SLC4A4: variants seen among roughly 807,000 people sequenced by gnomAD.
SLC4A4 encodes solute carrier family 4 member 4, also known as electrogenic sodium bicarbonate cotransporter 1.
A neutral mutation model predicts 111.5 loss-of-function variants in SLC4A4; 27 were observed. That is an observed-to-expected ratio of 0.24 (90% CI 0.18 to 0.33). SLC4A4 has a LOEUF of 0.33. SLC4A4 is among the 10% of genes least tolerant of loss of function. The probability of loss-of-function intolerance (pLI) is 1.00; values close to 1 mark genes in which losing one functional copy is unlikely to be tolerated. For missense variants in SLC4A4, 909 were observed against 1,315.5 expected (o/e 0.69, Z 4.78); for synonymous variants, 443 against 463.4 (o/e 0.96, Z 0.57).
chr4:71,212,735 A>G (rs1016906107), intron 1 of SLC4A4, among the ~76,000 whole-genome samples: 1 of 152,202 alleles, frequency 6.6e-6, no homozygotes, highest in African/African-American at 2.4e-5. Context: ...TGGGTAGGCC[A>G]GGTCACATTA....
rs376043069 is a variant in SLC4A4 at position 71,156,588 on chromosome 4, G to GCGCGCACACA, written c.-2+63797_-2+63798insGCGCACACAC. Among the ~76,000 whole-genome samples the GCGCGCACACA allele has an allele frequency of 3.5e-3, 487 of 138,510 alleles. 4 individuals are homozygous for GCGCGCACACA. The highest frequency in any genetic ancestry group is 0.028 in the South Asian group (105 of 3,698). The allele number at this position is 138,510 out of a possible 152,430, so 90.9% of individuals were successfully genotyped here. A position where few individuals can be genotyped will look rare whatever the true frequency, so the allele number is the denominator to read the frequency against. On this transcript the variant is annotated intron_variant, in intron 2 of 26. Transcript: ENST00000649996. The stretch of plus-strand genomic sequence containing the variant: ...TGTGCGCGCATGCGCGCGCGCGCGC[G>GCGCGCACACA]CACACACACACACACACACACACAC...
chr4:71,221,645 A>G (rs1391676598), intron 1 of SLC4A4, among the ~76,000 whole-genome samples: 2 of 152,200 alleles, frequency 1.3e-5, no homozygotes, highest in Non-Finnish European at 2.9e-5. Context: ...ACGTGTTGCC[A>G]TCCCTGGGGC....
At chr4:71,144,219 C>A (rs556572010) in intron 2 of SLC4A4, among the ~76,000 whole-genome samples, 27 of 152,294 alleles carry the variant, frequency 1.8e-4, no homozygotes, top group African/African-American at 6.0e-4. Flanking sequence ...TTCCCCATTT[C>A]TTGTTTTTGT....
At chr4:71,421,827 A>C (rs1366760754) in intron 7 of SLC4A4, among the ~76,000 whole-genome samples, 1 of 152,140 alleles carries the variant, frequency 6.6e-6, no homozygotes, top group Non-Finnish European at 1.5e-5. Flanking sequence ...TCTGGGACAC[A>C]TTCAAAGCAG....
At chr4:71,080,549 C>T in intron 1 of SLC4A4, among the ~76,000 whole-genome samples, 1 of 152,116 alleles carries the variant, frequency 6.6e-6, no homozygotes, top group East Asian at 1.9e-4. Context: ...TTTTCAGCAT[C>T]ACATCAGAAT....
intron 1 of SLC4A4, among the ~76,000 whole-genome samples, chr4:71,189,105 C>G (rs761596936): frequency 1.7e-4 from 26 of 152,000 alleles, no homozygotes; most frequent in Non-Finnish European, 2.4e-4. Context: ...GTGGGGGTGA[C>G]AAGGACAAGA....
intron 3 of SLC4A4, among the ~76,000 whole-genome samples, chr4:71,327,677 T>A (rs1727613456): frequency 6.6e-6 from 1 of 152,030 alleles, no homozygotes; most frequent in Admixed American, 6.6e-5. Flanking sequence ...TATTATCTTT[T>A]CTTCTTTTTA....
chr4:71,543,160 A>G (rs1463764066), intron 18 of SLC4A4, among the ~76,000 whole-genome samples: 1 of 152,100 alleles, frequency 6.6e-6, no homozygotes, highest in Non-Finnish European at 1.5e-5. Context: ...AGCAAGAATT[A>G]GCTAAATGAG....
In SLC4A4 at chr4:71,384,602, C is replaced by G. The variant is rs1056353711; in HGVS notation, c.731-12975C>G. ...AGTGAGGCCAGATCACGCCATTGCA[C>G]TCAAGCCTGGGCGGCACAGCAAGAC... On this transcript the variant is annotated intron_variant, in intron 6 of 25. Coordinates refer to ENST00000264485, the MANE Select transcript of SLC4A4 (RefSeq NM_001098484.3). Among the ~76,000 whole-genome samples the G allele has an allele frequency of 1.4e-4, 21 of 146,664 alleles. No homozygotes were observed. In the East Asian group the frequency reaches 3.7e-3, roughly 25 times the overall value.
intron 14 of SLC4A4, among the ~76,000 whole-genome samples, chr4:71,486,036 A>G (rs1729366640): frequency 6.6e-6 from 1 of 151,532 alleles, no homozygotes; most frequent in Non-Finnish European, 1.5e-5. Context: ...GCTCAGAGGG[A>G]CTGGAGTAGG....
chr4:71,423,697 AC>A (rs1156555627), intron 7 of SLC4A4, among the ~76,000 whole-genome samples: 1 of 152,208 alleles, frequency 6.6e-6, no homozygotes, highest in African/African-American at 2.4e-5. Context: ...CATATCTACA[AC>A]TGTCTGATCT....
chr4:71,087,588 G>A (rs1742223411), intron 1 of SLC4A4, among the ~76,000 whole-genome samples: 2 of 152,018 alleles, frequency 1.3e-5, no homozygotes, highest in Non-Finnish European at 2.9e-5. Context: ...GTGTCCCAGA[G>A]ATTCTGGTAT....
At chr4:71,396,941 A>G (rs1719870128) in intron 6 of SLC4A4, among the ~76,000 whole-genome samples, 1 of 152,190 alleles carries the variant, frequency 6.6e-6, no homozygotes, top group Non-Finnish European at 1.5e-5. Context: ...TATTCTGGCA[A>G]ATGGGAATGC....
chr4:71,551,658 C>G (rs1220150814), intron 20 of SLC4A4, among the ~76,000 whole-genome samples: 1 of 151,882 alleles, frequency 6.6e-6, no homozygotes, highest in Non-Finnish European at 1.5e-5. Context: ...GGTTTACAAC[C>G]ATTTAAAACA....
chr4:71,558,030 A>G, intron 22 of SLC4A4, 145 bp downstream of exon 22: 1 of 700,744 alleles, frequency 1.4e-6, no homozygotes, highest in Non-Finnish European at 2.5e-6. Flanking sequence ...TGTAATTTAC[A>G]TTTCCCATGT....
At chr4:71,263,109 C>G (rs780488382) in intron 3 of SLC4A4, among the ~76,000 whole-genome samples, 22 of 149,064 alleles carry the variant, frequency 1.5e-4, no homozygotes, top group African/African-American at 5.4e-4. Context: ...TGAGAACATG[C>G]GGTGCAAACA....
chr4:71,557,708 C>G lies in SLC4A4; in HGVS notation c.2764-4C>G. 6.8e-6 allele frequency: 11 copies of G among 1,612,444 alleles called. No homozygotes were observed. Among genetic ancestry groups the G allele is most frequent in the Non-Finnish European group, 8.5e-6 (10 of 1,179,068 alleles). On this transcript the variant is annotated splice_region_variant and splice_polypyrimidine_tract_variant and intron_variant, in intron 21 of 25. Transcript: ENST00000264485. The stretch of plus-strand genomic sequence containing the variant: ...GTTGGACTCCTTTCCTCTTTCCTCC[C>G]CAGTTCATGGATCGTCTGAAGCTGC...
chr4:71,376,438 C>T (rs1002634158), intron 6 of SLC4A4, among the ~76,000 whole-genome samples: 29 of 151,104 alleles, frequency 1.9e-4, no homozygotes, highest in African/African-American at 4.1e-4. Context: ...CTCCTGACCT[C>T]GTGATCCACC....
rs1454177092 is a variant in SLC4A4, at chr4:71,331,295, G to A, written c.254-8075G>A. Among the ~76,000 whole-genome samples, 18 of 152,220 alleles carry A rather than the reference G, an allele frequency of 1.2e-4. No individual in the cohort carries two copies. In the East Asian group the frequency reaches 1.5e-3, roughly 13 times the overall value. On this transcript the variant is annotated intron_variant, in intron 3 of 25. Coordinates refer to ENST00000264485, the MANE Select transcript of SLC4A4 (RefSeq NM_001098484.3). The stretch of plus-strand genomic sequence containing the variant: ...ACACATGCACACGTATGTTTATTGC[G>A]GCACTATTCGTAATAGCAAAGACTT...
Sources: allele counts gnomAD v4.1 joint callset (sites outside exome capture counted in the v4.1 genomes callset), GRCh38; gene constraint gnomAD v4.1.1; transcripts MANE v1.5; gene names NCBI Gene and HGNC (gene_info 2026-07-23, HGNC 2026-07-21).